The following PCDHA9 variants were observed in gnomAD, a reference collection of about 807,000 sequenced individuals.
PCDHA9 encodes the protein protocadherin alpha 9.
Under a neutral mutation model 62.0 loss-of-function variants are expected in PCDHA9, and 62 were observed. That is an observed-to-expected ratio of 1.00 (90% CI 0.81 to 1.23). The LOEUF (loss-of-function observed/expected upper bound fraction) is 1.23. Ranked by LOEUF, PCDHA9 falls within the 50% of genes most tolerant of loss-of-function variation. The pLI, the probability that PCDHA9 is intolerant of heterozygous loss-of-function variation, is 0.00. For synonymous variants in PCDHA9, 557 were observed against 567.6 expected, an observed-to-expected ratio of 0.98 and a Z score of 0.27; for missense variants, 1,205 against 1,249.8, an observed-to-expected ratio of 0.96 and a Z score of 0.54.
chr5:140,955,595 A>G (rs1366870361), intron 1 of PCDHA9, among the ~76,000 whole-genome samples: 1 of 152,194 alleles, frequency 6.6e-6, no homozygotes, highest in Admixed American at 6.5e-5. Context: ...TCTTTCTTTT[A>G]TAAATTACCC....
Position 140,967,255 on chromosome 5 carries a change from T to C in PCDHA9, c.2395-11694T>C, listed in dbSNP as rs202164321. ...TTCAGGTAAGCGAATCGGTGGCGCC[T>C]GGAGCGCGCTTTCACATAGAGAGTG... On this transcript the variant is annotated intron_variant, in intron 1 of 3. Coordinates refer to ENST00000532602, the MANE Select transcript of PCDHA9 (RefSeq NM_031857.2). The C allele has an allele frequency of 1.8e-4, 297 of 1,613,460 alleles. 1 individual carries two copies. The East Asian group carries it at 6.5e-3, about 35-fold the overall frequency.
chr5:140,877,005 C>G, intron 1 of PCDHA9: 1 of 1,612,474 alleles, frequency 6.2e-7, no homozygotes, highest in Non-Finnish European at 8.5e-7. Context: ...TGTCGGTGCA[C>G]GCGGAGAGCG....
intron 1 of PCDHA9, among the ~76,000 whole-genome samples, chr5:140,906,402 A>G (rs1378425113): frequency 1.3e-5 from 2 of 152,268 alleles, no homozygotes; most frequent in African/African-American, 4.8e-5. Flanking sequence ...AAATTTTCAT[A>G]TGAAGTCAAT....
Position 140,993,501 on chromosome 5 carries a change from C to T in PCDHA9, c.2542+10938C>T, listed in dbSNP as rs560043353. Among the ~76,000 whole-genome samples, 25 of 149,100 alleles carry T rather than the reference C, an allele frequency of 1.7e-4. No homozygotes were observed. The East Asian group carries it at 3.5e-3, about 21-fold the overall frequency. ...ACACACACACACACACACACACACA[C>T]ACACACACGGGGAGAGAGAGACAGA... On this transcript the variant is annotated intron_variant, in intron 3 of 3. Transcript: ENST00000532602.
rs2150430770 is a variant in PCDHA9 at position 140,849,121 on chromosome 5, A to T, written c.626A>T (p.His209Leu). ...GACAGAGAAGAAACTCCGGAGCTTC[A>T]TTTATTGCTCACGGCCACCGATGGA... ...LLDREETPEL[H>L]LLLTATDGGK... is the part of the protein sequence containing the mutation. Residue 209 changes from histidine (H) to leucine (L), a missense_variant, in exon 1 of 4, where the codon CAT becomes CTT. By Grantham distance (99) the His-to-Leu change is moderately conservative. Coordinates refer to ENST00000532602, the MANE Select transcript of PCDHA9 (RefSeq NM_031857.2). 1 of 1,407,396 alleles carries T rather than the reference A, an allele frequency of 7.1e-7. No homozygotes were observed. The allele number at this position is 1,407,396 out of a possible 1,614,324, so 87.2% of individuals were successfully genotyped here. A position where few individuals can be genotyped will look rare whatever the true frequency, so the allele number is the denominator to read the frequency against.
chr5:140,948,959 C>T (rs1315047565), intron 1 of PCDHA9, among the ~76,000 whole-genome samples: 13 of 151,622 alleles, frequency 8.6e-5, no homozygotes, highest in South Asian at 6.2e-4. Context: ...ATTAAAGCCA[C>T]GAATTTATTA....
At chr5:140,876,819 C>T in intron 1 of PCDHA9, 1 of 1,614,180 alleles carries the variant, frequency 6.2e-7, no homozygotes, top group Admixed American at 1.7e-5. Flanking sequence ...CCGACGTGAA[C>T]GACAATGCGC....
chr5:140,883,564 G>C, intron 1 of PCDHA9: 1 of 1,614,174 alleles, frequency 6.2e-7, no homozygotes, highest in Non-Finnish European at 8.5e-7. Context: ...ACGGGGGCTC[G>C]CCTTCGCTGT....
In PCDHA9 at chr5:140,853,448, G is replaced by A; in HGVS notation, c.2394+2559G>A. ...AGACACTTTCCTATTTTGCCTAATA[G>A]GTCTCCTTATATGCATCTGTAGTTA... On this transcript the variant is annotated intron_variant, in intron 1 of 3. Transcript: ENST00000532602. 2.0e-6 allele frequency: 2 copies of A among 980,734 alleles called. 1 individual carries two copies. Among genetic ancestry groups the A allele is most frequent in the South Asian group, 9.5e-5 (2 of 21,032 alleles). 60.8% of individuals were successfully genotyped at this position (980,734 alleles called of 1,614,324 possible).
chr5:140,851,612 A>G, intron 1 of PCDHA9: 1 of 921,118 alleles, frequency 1.1e-6, no homozygotes, highest in Non-Finnish European at 1.3e-6. Context: ...GAAATTGGAG[A>G]AAATGCTTTT....
At chr5:140,987,585 A>G (rs575330361) in intron 3 of PCDHA9, among the ~76,000 whole-genome samples, 2 of 152,236 alleles carry the variant, frequency 1.3e-5, no homozygotes, top group East Asian at 3.8e-4. Flanking sequence ...AAATGGGGAG[A>G]ATAGTGGTGT....
At chr5:140,873,336 C>A (rs1436932142) in intron 1 of PCDHA9, among the ~76,000 whole-genome samples, 1 of 152,168 alleles carries the variant, frequency 6.6e-6, no homozygotes, top group African/African-American at 2.4e-5. Flanking sequence ...ATACATTACT[C>A]ATCTCCAGAT....
In PCDHA9 at chr5:140,919,966, A is replaced by G. The variant is rs1472155046; in HGVS notation, c.2395-58983A>G. Among the ~76,000 whole-genome samples, 3 of 139,590 alleles carry G rather than the reference A, an allele frequency of 2.1e-5. No homozygotes were observed. The East Asian group carries it at 7.1e-4, about 33-fold the overall frequency. The allele number at this position is 139,590 out of a possible 152,430, so 91.6% of individuals were successfully genotyped here. On this transcript the variant is annotated intron_variant, in intron 1 of 3. Transcript: ENST00000532602. ...GTGAAAAGTTTGTTTTGTTTTTTAA[A>G]TAAGAGATAGAAGATGGAAAACAGA...
intron 1 of PCDHA9, chr5:140,884,678 A>T (rs781881057): frequency 1.0e-5 from 16 of 1,553,210 alleles, no homozygotes; most frequent in South Asian, 4.9e-5. Context: ...CTTATATTTT[A>T]AAAAATTGTC....
chr5:140,949,120 T>C (rs782586418), intron 1 of PCDHA9, among the ~76,000 whole-genome samples: 3 of 151,756 alleles, frequency 2.0e-5, no homozygotes, highest in Non-Finnish European at 4.4e-5. Flanking sequence ...ATATTTTTGG[T>C]TTTCCTAGCT....
intron 1 of PCDHA9, among the ~76,000 whole-genome samples, chr5:140,898,854 C>G (rs1467228131): frequency 2.0e-5 from 3 of 152,150 alleles, no homozygotes; most frequent in Admixed American, 6.6e-5. Flanking sequence ...TTTGTATCCT[C>G]TTTTATTTCA....
chr5:140,861,263 C>T (rs1441824689), intron 1 of PCDHA9: 2 of 174,012 alleles, frequency 1.1e-5, no homozygotes, highest in African/African-American at 4.8e-5. Context: ...ATCCCGGAGC[C>T]TACAGCACTG....
intron 1 of PCDHA9, among the ~76,000 whole-genome samples, chr5:140,941,216 T>TTTCTTTCTTTCTTTCTTTC (rs2092891567): frequency 8.0e-6 from 1 of 124,950 alleles, no homozygotes; most frequent in East Asian, 2.2e-4. Context: ...TCTTTCTTCC[T>TTTCTTTCTTTCTTTCTTTC]TTCTTTCTTT....
chr5:140,884,559 C>G lies in PCDHA9; in HGVS notation c.2394+33670C>G. On this transcript the variant is annotated intron_variant, in intron 1 of 3. Transcript: ENST00000532602. ...CCGAGGGTGTGCTCTGGGGAGGGCC[C>G]GCATAAGACGGACCTCATGGCCTTC... The G allele has an allele frequency of 1.2e-6, 2 of 1,614,094 alleles. No individual in the cohort carries two copies. The highest frequency in any genetic ancestry group is 1.7e-5 in the Admixed American group (1 of 59,984).
Sources: allele counts gnomAD v4.1 joint callset (sites outside exome capture counted in the v4.1 genomes callset), GRCh38; gene constraint gnomAD v4.1.1; transcripts MANE v1.5; gene names NCBI Gene and HGNC (gene_info 2026-07-23, HGNC 2026-07-21).